Variants in GRIP2 observed in about 807,000 individuals in gnomAD.
The protein encoded by GRIP2 is glutamate receptor-interacting protein 2.
In GRIP2, 58 loss-of-function variants were observed where a neutral mutation model predicts 108.3. That is an observed-to-expected ratio of 0.54 (90% CI 0.43 to 0.67). The LOEUF (loss-of-function observed/expected upper bound fraction) is 0.67, where lower values mean the gene tolerates loss of function less well. GRIP2 is among the 30% of genes least tolerant of loss of function. GRIP2 has a pLI of 0.00. For synonymous variants in GRIP2, 586 were observed against 598.2 expected (o/e 0.98, Z 0.30); for missense variants, 1,278 against 1,430.6 (o/e 0.89, Z 1.72).
At chr3:14,517,494 CTTTTTTTTTTTTTTTTT>C (rs146509076) in intron 10 of GRIP2, among the ~76,000 whole-genome samples, 1 of 107,754 alleles carries the variant, frequency 9.3e-6, no homozygotes, top group African/African-American at 3.8e-5. Context: ...ATCTCTCTCT[CTTTTTTTTTTTTTTTTT>C]TTTTTTTTTA....
At position 14,507,844 on chromosome 3, in the gene GRIP2, A is replaced by G; in HGVS notation, c.2079-144T>C. 1 of 825,148 alleles carries G rather than the reference A, an allele frequency of 1.2e-6. No individual in the cohort carries two copies. The allele number at this position is 825,148 out of a possible 1,614,324, so 51.1% of individuals were successfully genotyped here. On this transcript the variant is annotated intron_variant, in intron 17 of 23. Transcript: ENST00000621039. The surrounding 1 kb of genome is among the most constrained non-coding windows in gnomAD (Gnocchi z 4.6). Reference sequence around the variant, plus strand: ...ACCCAGCTGCCAAAAACAAAACAAAAGCACGCAAGTATGATCTTGGATCAC... The same window carrying G: ...ACCCAGCTGCCAAAAACAAAACAAAGGCACGCAAGTATGATCTTGGATCAC...
chr3:14,540,215 A>G lies in GRIP2; in HGVS notation c.40+54T>C, dbSNP rs1013444696. The G allele has an allele frequency of 7.5e-6, 12 of 1,590,884 alleles. No homozygotes were observed. The African/African-American group carries it at 1.3e-4, about 18-fold the overall frequency. ...CCCTCTCTCTGGGCAGCAGCTCCAG[A>G]GGGATCTATGTGTTCAGCCCCATCA... On this transcript the variant is annotated intron_variant, in intron 1 of 23. Transcript: ENST00000621039. This position sits in a 1 kb window ranked among gnomAD's most constrained non-coding sequence, Gnocchi z 4.1.
chr3:14,512,037 G>A lies in GRIP2; in HGVS notation c.1721-558C>T, dbSNP rs1694111637. Among the ~76,000 whole-genome samples the A allele has an allele frequency of 6.6e-6, 1 of 152,236 alleles. No homozygotes were observed. The highest frequency in any genetic ancestry group is 2.4e-5 in the African/African-American group (1 of 41,468). On this transcript the variant is annotated intron_variant, in intron 14 of 23. Transcript: ENST00000621039. This position sits in a 1 kb window ranked among gnomAD's most constrained non-coding sequence, Gnocchi z 5.1. Reference sequence around the variant, plus strand: ...CCTGAGAAACGGGCTTGTGTCGAGGGCGGTAAATGTTCAGTCAGGTGGTCG... The same window carrying A: ...CCTGAGAAACGGGCTTGTGTCGAGGACGGTAAATGTTCAGTCAGGTGGTCG...
At chr3:14,564,283 A>G in the GRIP2 span, among the ~76,000 whole-genome samples, 2 of 152,352 alleles carry the variant, frequency 1.3e-5, no homozygotes, top group South Asian at 2.1e-4. Context: ...ACAAGTACGC[A>G]GATTAAATCG....
At chr3:14,578,576 G>C in the GRIP2 span, among the ~76,000 whole-genome samples, 1 of 152,092 alleles carries the variant, frequency 6.6e-6, no homozygotes, top group African/African-American at 2.4e-5. Context: ...AATTAGCCAG[G>C]CATGGTGGCA....
chr3:14,541,007 C>T (rs79508254), upstream of GRIP2, among the ~76,000 whole-genome samples: 365 of 152,376 alleles, frequency 2.4e-3, 1 homozygote, highest in African/African-American at 8.5e-3. Flanking sequence ...ATCTGCCCGC[C>T]TCTGGGCTTG....
chr3:14,517,758 G>A lies in GRIP2; in HGVS notation c.1156+14C>T, dbSNP rs1156509595. On this transcript the variant is annotated intron_variant, in intron 10 of 23. Transcript: ENST00000621039. The stretch of plus-strand genomic sequence containing the variant: ...TACAAGACTGGCTGAGCTACAGCAG[G>A]GCAGGCACATTACATCGGCTTTGGT... The A allele has an allele frequency of 6.2e-7, 1 of 1,610,052 alleles. No homozygotes were observed. Among genetic ancestry groups the A allele is most frequent in the Non-Finnish European group, 8.5e-7 (1 of 1,178,796 alleles).
chr3:14,573,961 G>A, the GRIP2 span: 1 of 1,078,874 alleles, frequency 9.3e-7, no homozygotes, highest in South Asian at 1.3e-5. Context: ...ATGAAGCTGT[G>A]CACCTGCGGA....
At position 14,517,494 on chromosome 3, in the gene GRIP2, C is replaced by CTTTTTTTTT. The variant is rs146509076; in HGVS notation, c.1156+269_1156+277dup. ...GAGGCAGGCCACCTAATCTCTCTCT[C>CTTTTTTTTT]TTTTTTTTTTTTTTTTTTTTTTTTT... On this transcript the variant is annotated intron_variant, in intron 10 of 23. Coordinates refer to ENST00000621039, the MANE Select transcript of GRIP2 (RefSeq NM_001080423.4). Among the ~76,000 whole-genome samples the CTTTTTTTTT allele has an allele frequency of 8.4e-5, 9 of 107,754 alleles. 2 individuals carry two copies. Among genetic ancestry groups the CTTTTTTTTT allele is most frequent in the South Asian group, 6.5e-4 (2 of 3,098 alleles). The allele number at this position is 107,754 out of a possible 152,430, so 70.7% of individuals were successfully genotyped here.
At chr3:14,525,821 A>T (rs1204560014) in intron 2 of GRIP2, 30 bp downstream of exon 2, 1 of 1,549,670 alleles carries the variant, frequency 6.5e-7, no homozygotes, top group Non-Finnish European at 8.7e-7. Flanking sequence ...TCCAGGGCAG[A>T]AAAAGAGGGA....
the GRIP2 span, among the ~76,000 whole-genome samples, chr3:14,591,270 G>A: frequency 6.6e-6 from 1 of 152,070 alleles, no homozygotes; most frequent in Non-Finnish European, 1.5e-5. Flanking sequence ...CTGAGTGCCC[G>A]CCCCATCACT....
In GRIP2 at chr3:14,511,575, G is replaced by C; in HGVS notation, c.1721-96C>G. The C allele has an allele frequency of 8.6e-7, 1 of 1,162,348 alleles. No homozygotes were observed. Among genetic ancestry groups the C allele is most frequent in the Non-Finnish European group, 1.3e-6 (1 of 794,772 alleles). 72.0% of individuals were successfully genotyped at this position (1,162,348 alleles called of 1,614,324 possible). A position where few individuals can be genotyped will look rare whatever the true frequency, so the allele number is the denominator to read the frequency against. ...TCTGAGTGTGGACTCGGAGCCACTG[G>C]TCCTACTCACATCCTGGTCCCACTG... On this transcript the variant is annotated intron_variant, in intron 14 of 23. Coordinates refer to ENST00000621039, the MANE Select transcript of GRIP2 (RefSeq NM_001080423.4). This position sits in a 1 kb window ranked among gnomAD's most constrained non-coding sequence, Gnocchi z 4.1.
At chr3:14,587,051 T>C in the GRIP2 span, among the ~76,000 whole-genome samples, 1 of 152,214 alleles carries the variant, frequency 6.6e-6, no homozygotes, top group South Asian at 2.1e-4. Flanking sequence ...TTCTTCGTCT[T>C]TATTTTCAAA....
At chr3:14,572,868 A>T in the GRIP2 span, 1 of 1,197,636 alleles carries the variant, frequency 8.3e-7, no homozygotes, top group Non-Finnish European at 1.2e-6. Context: ...CTGAGCATCC[A>T]GTTCGTACTT....
At chr3:14,513,574 G>A (rs1559338706) in intron 13 of GRIP2, 91 bp downstream of exon 13, 1 of 1,447,674 alleles carries the variant, frequency 6.9e-7, no homozygotes, top group Non-Finnish European at 9.3e-7. Flanking sequence ...GAGGGGGATG[G>A]GGTGGAGCGT....
the GRIP2 span, among the ~76,000 whole-genome samples, chr3:14,568,335 C>T: frequency 6.6e-6 from 1 of 152,152 alleles, no homozygotes; most frequent in Non-Finnish European, 1.5e-5. Context: ...CCGTAAGAGG[C>T]AGCCAGTCGT....
At chr3:14,573,691 A>G in the GRIP2 span, 132 of 1,435,136 alleles carry the variant, frequency 9.2e-5, 1 homozygote, top group African/African-American at 1.4e-3. Flanking sequence ...TTTCTGGTGC[A>G]GATCGGCCAC....
At chr3:14,552,679 G>A (rs981319135) in intron 1 of GRIP2, among the ~76,000 whole-genome samples, 4 of 135,290 alleles carry the variant, frequency 3.0e-5, no homozygotes, top group African/African-American at 8.5e-5. Flanking sequence ...TGCAACCACC[G>A]CCTCCCAGGT....
chr3:14,497,406 A>G (rs1693641494), intron 21 of GRIP2, among the ~76,000 whole-genome samples: 1 of 152,178 alleles, frequency 6.6e-6, no homozygotes. Context: ...TCGTCCTGTG[A>G]GGGGTGGGGA....
Sources: gnomAD v4.1 joint callset for allele counts (sites outside exome capture counted in the v4.1 genomes callset) on GRCh38, gnomAD v4.1.1 for gene constraint, Gnocchi (gnomAD v3.1) non-coding constraint, MANE v1.5 for transcripts, NCBI Gene and HGNC (gene_info 2026-07-23, HGNC 2026-07-21) for gene names.